Variants in TXLNG observed in about 807,000 individuals in gnomAD.
The protein encoded by TXLNG is taxilin gamma, also known as gamma-taxilin.
A neutral mutation model predicts 38.8 loss-of-function variants in TXLNG; 5 were observed. That is an observed-to-expected ratio of 0.13 (90% CI 0.07 to 0.27). TXLNG has a LOEUF of 0.27. Ranked by LOEUF, TXLNG falls within the 10% of genes least tolerant of loss-of-function variation. The pLI, the probability that TXLNG is intolerant of heterozygous loss-of-function variation, is 1.00. For missense variants in TXLNG, 393 were observed against 398.2 expected (o/e 0.99, Z 0.11); for synonymous variants, 182 against 158.2 (o/e 1.15, Z -1.13).
At chrX:16,804,139 T>C (rs757903632) in intron 1 of TXLNG, among the ~76,000 whole-genome samples, 7 of 112,270 alleles carry the variant, frequency 6.2e-5, no homozygotes, top group Admixed American at 2.8e-4. Context: ...TGTAGGAAAA[T>C]TGTATCCATA....
chrX:16,829,546 T>G (rs746615213), intron 4 of TXLNG, 30 bp from the exon 5 acceptor site: 1 of 1,192,848 alleles, frequency 8.4e-7, no homozygotes. Context: ...TAGGTCTGTA[T>G]TATTAACAAA....
chrX:16,819,332 A>G (rs1446111922), intron 2 of TXLNG, among the ~76,000 whole-genome samples: 1 of 111,457 alleles, frequency 9.0e-6, no homozygotes, highest in East Asian at 2.8e-4. Context: ...AGAAGATTTC[A>G]TTAATAAAAT....
chrX:16,811,671 C>T (rs1928523884), intron 1 of TXLNG, among the ~76,000 whole-genome samples: 1 of 103,615 alleles, frequency 9.7e-6, no homozygotes, highest in Admixed American at 1.1e-4. Context: ...GAGACGGAGT[C>T]TCGCTGCCAG....
intron 3 of TXLNG, among the ~76,000 whole-genome samples, chrX:16,827,190 C>T (rs971518341): frequency 3.6e-5 from 4 of 111,037 alleles, no homozygotes; most frequent in African/African-American, 1.3e-4. Flanking sequence ...GATTGTGCAA[C>T]AGAATAATAG....
Position 16,786,504 on chromosome X carries a change from A to G in TXLNG, c.17A>G (p.Glu6Gly), listed in dbSNP as rs555598273. 3.1e-4 allele frequency: 349 copies of G among 1,113,840 alleles called. No homozygotes were observed. In the African/African-American group the frequency reaches 5.9e-3, roughly 19 times the overall value. The allele number at this position is 1,113,840 out of a possible 1,213,427, so 91.8% of individuals were successfully genotyped here. A position where few individuals can be genotyped will look rare whatever the true frequency, so the allele number is the denominator to read the frequency against. The change falls in exon 1 of 10, where the codon GAG becomes GGG. Residue 6 changes from glutamate to glycine, a missense_variant. Coordinates refer to ENST00000380122, the MANE Select transcript of TXLNG (RefSeq NM_018360.3). Reference protein sequence around the residue: MATRVEEAARGRGGGA... With the variant: MATRVGEAARGRGGGA... Reference sequence around the variant, plus strand: ...CGTCACCTCATGGCGACGCGGGTAGAGGAGGCAGCGCGGGGAAGAGGCGGC... The same window carrying G: ...CGTCACCTCATGGCGACGCGGGTAGGGGAGGCAGCGCGGGGAAGAGGCGGC...
intron 6 of TXLNG, among the ~76,000 whole-genome samples, chrX:16,833,351 T>G: frequency 1.8e-5 from 2 of 112,330 alleles, no homozygotes; most frequent in African/African-American, 6.5e-5. Flanking sequence ...ATTGGGTATG[T>G]ATATTACCAT....
intron 1 of TXLNG, among the ~76,000 whole-genome samples, chrX:16,804,506 C>G (rs1928247910): frequency 9.1e-6 from 1 of 109,614 alleles, no homozygotes; most frequent in African/African-American, 3.3e-5. Flanking sequence ...CCCCCCACCC[C>G]CCGCCAAAAG....
chrX:16,827,392 G>A (rs778899577), intron 3 of TXLNG, among the ~76,000 whole-genome samples: 95 of 111,338 alleles, frequency 8.5e-4, no homozygotes, highest in African/African-American at 3.0e-3. Flanking sequence ...CTTCAACATT[G>A]GAGTAGGTTT....
intron 1 of TXLNG, 66 bp from the exon 2 acceptor site, chrX:16,818,508 T>A: frequency 8.9e-7 from 1 of 1,121,801 alleles, no homozygotes; most frequent in Non-Finnish European, 1.2e-6. Context: ...TTCCATTGCT[T>A]GTAAACATTG....
chrX:16,831,871 C>T (rs1367317804), intron 5 of TXLNG, among the ~76,000 whole-genome samples: 1 of 111,981 alleles, frequency 8.9e-6, no homozygotes, highest in Non-Finnish European at 1.9e-5. Context: ...GCATTTTCCC[C>T]TCTCATGTAG....
At chrX:16,838,414 T>C (rs1929678089) in intron 8 of TXLNG, among the ~76,000 whole-genome samples, 1 of 112,016 alleles carries the variant, frequency 8.9e-6, no homozygotes, top group South Asian at 3.7e-4. Context: ...TTATTAGATC[T>C]CACATAGTGG....
intron 1 of TXLNG, among the ~76,000 whole-genome samples, chrX:16,794,128 A>T (rs1489534062): frequency 2.7e-5 from 3 of 111,847 alleles, no homozygotes; most frequent in African/African-American, 9.7e-5. Flanking sequence ...AGGAGATGCT[A>T]AGTGGTATAT....
rs773651703 is a variant in TXLNG at position 16,818,702 on chromosome X, G to A, written c.231G>A (p.Lys77=). ...QGSNCGGTSN[K]HSLEEDEGSD... ...CAAATTGTGGTGGCACAAGTAACAA[G>A]CATTCATTGGAAGAGGATGAAGGCA... Residue 77 remains lysine, a synonymous_variant, in exon 2 of 10, where the codon AAG becomes AAA. Coordinates refer to ENST00000380122, the MANE Select transcript of TXLNG (RefSeq NM_018360.3). 8.3e-7 allele frequency: 1 copy of A among 1,211,904 alleles called. No homozygotes were observed. Among genetic ancestry groups the A allele is most frequent in the South Asian group, 1.8e-5 (1 of 57,019 alleles).
intron 1 of TXLNG, among the ~76,000 whole-genome samples, chrX:16,795,223 G>T (rs2147460599): frequency 9.0e-6 from 1 of 110,839 alleles, no homozygotes; most frequent in South Asian, 3.9e-4. Context: ...CTTGCAGCGA[G>T]CCGAGATTGC....
chrX:16,819,586 A>G (rs965210350), intron 2 of TXLNG, among the ~76,000 whole-genome samples: 7 of 112,048 alleles, frequency 6.2e-5, no homozygotes, highest in Admixed American at 4.8e-4. Flanking sequence ...AAGTCCTTAC[A>G]GTATTGCTAA....
At chrX:16,837,935 G>T (rs995084586) in intron 8 of TXLNG, among the ~76,000 whole-genome samples, 4 of 111,659 alleles carry the variant, frequency 3.6e-5, no homozygotes, top group Admixed American at 1.9e-4. Flanking sequence ...TAGAAATAAA[G>T]TGGTGGTTTT....
At position 16,842,940 on chromosome X, in the gene TXLNG, C is replaced by G. The variant is rs1170326820; in HGVS notation, c.*1174C>G. 1 of 112,115 alleles carries G rather than the reference C, an allele frequency of 8.9e-6. No homozygotes were observed. The highest frequency in any genetic ancestry group is 2.8e-4 in the East Asian group (1 of 3,591). The allele number at this position is 112,115 out of a possible 1,213,427, so 9.2% of individuals were successfully genotyped here. ...GAAAAAAGAAAAGCCACAGTATTATCAAGGTCTCTACACTTGGACTGGGGG... is the reference window on the plus strand; with the variant it reads ...GAAAAAAGAAAAGCCACAGTATTATGAAGGTCTCTACACTTGGACTGGGGG... On this transcript the variant is annotated 3_prime_UTR_variant, in exon 10 of 10. Transcript: ENST00000380122.
At chrX:16,792,837 C>T (rs1371500994) in intron 1 of TXLNG, among the ~76,000 whole-genome samples, 1 of 109,972 alleles carries the variant, frequency 9.1e-6, no homozygotes, top group Non-Finnish European at 1.9e-5. Context: ...TGGCTCATGC[C>T]TGTAATCCCA....
chrX:16,819,034 G>A (rs1928845715), intron 2 of TXLNG, among the ~76,000 whole-genome samples, 157 bp downstream of exon 2: 1 of 110,684 alleles, frequency 9.0e-6, no homozygotes, highest in African/African-American at 3.3e-5. Context: ...CTGCAGTTAT[G>A]TGCAGGAGGC....
Sources: allele counts gnomAD v4.1 joint callset (sites outside exome capture counted in the v4.1 genomes callset), GRCh38; gene constraint gnomAD v4.1.1; transcripts MANE v1.5; gene names NCBI Gene and HGNC (gene_info 2026-07-23, HGNC 2026-07-21).